R3HDM1: variants seen among roughly 807,000 people sequenced by gnomAD.
The protein encoded by R3HDM1 is R3H domain containing 1, also known as R3H domain-containing protein 1.
Under a neutral mutation model 141.1 loss-of-function variants are expected in R3HDM1, and 46 were observed. The observed-to-expected ratio is 0.33, with a 90% CI of 0.26 to 0.42. The LOEUF (loss-of-function observed/expected upper bound fraction) is 0.42, where lower values mean the gene tolerates loss of function less well. Ranked by LOEUF, R3HDM1 falls within the 10% of genes least tolerant of loss-of-function variation. The probability of loss-of-function intolerance (pLI) is 1.00; values close to 1 mark genes in which losing one functional copy is unlikely to be tolerated. For synonymous variants in R3HDM1, 435 were observed against 472.9 expected (o/e 0.92, Z 1.04); for missense variants, 1,184 against 1,368.3 (o/e 0.87, Z 2.12).
At chr2:135,616,879 C>A in intron 5 of R3HDM1, 122 bp downstream of exon 5, 1 of 828,094 alleles carries the variant, frequency 1.2e-6, no homozygotes, top group Non-Finnish European at 1.9e-6. Context: ...TTCAATAATA[C>A]TTGGCACCCA....
At chr2:135,632,995 T>C (rs537917327) in intron 9 of R3HDM1, among the ~76,000 whole-genome samples, 1 of 152,302 alleles carries the variant, frequency 6.6e-6, no homozygotes, top group South Asian at 2.1e-4. Flanking sequence ...CTATTGGTTT[T>C]CTCCCATTTT....
At chr2:135,665,714 G>T (rs1375010512) in intron 19 of R3HDM1, among the ~76,000 whole-genome samples, 1 of 152,084 alleles carries the variant, frequency 6.6e-6, no homozygotes, top group Non-Finnish European at 1.5e-5. Flanking sequence ...GACAAATTCA[G>T]TTTGGTTTTG....
intron 19 of R3HDM1, among the ~76,000 whole-genome samples, chr2:135,666,173 A>G (rs2067464772): frequency 6.6e-6 from 1 of 152,212 alleles, no homozygotes; most frequent in African/African-American, 2.4e-5. Flanking sequence ...CAATGTGTGC[A>G]TATTGTTGAC....
chr2:135,556,669 C>T (rs1314060866), intron 1 of R3HDM1, among the ~76,000 whole-genome samples: 4 of 152,042 alleles, frequency 2.6e-5, no homozygotes, highest in African/African-American at 9.7e-5. Context: ...CAAGCACCCA[C>T]CACCACACCC....
intron 19 of R3HDM1, among the ~76,000 whole-genome samples, chr2:135,670,089 C>T (rs1228359052): frequency 1.4e-5 from 2 of 146,446 alleles, no homozygotes; most frequent in South Asian, 2.2e-4. Context: ...GAGATTGCAC[C>T]GCTGCACTCC....
intron 19 of R3HDM1, chr2:135,669,096 G>A (rs984053269): frequency 6.2e-6 from 6 of 965,500 alleles, no homozygotes; most frequent in Non-Finnish European, 7.4e-6. Flanking sequence ...AGACTGGAGT[G>A]CAGTGGCCCT....
At chr2:135,578,017 A>T (rs115462400) in intron 1 of R3HDM1, among the ~76,000 whole-genome samples, 26 of 152,242 alleles carry the variant, frequency 1.7e-4, no homozygotes, top group Admixed American at 1.2e-3. Context: ...AAATTGACAT[A>T]TGCACTTATC....
intron 1 of R3HDM1, among the ~76,000 whole-genome samples, chr2:135,593,790 G>A (rs911988983): frequency 3.3e-5 from 5 of 151,944 alleles, no homozygotes; most frequent in African/African-American, 9.7e-5. Context: ...GCACAGTCTC[G>A]GCTCACTGCA....
At chr2:135,721,571 A>G (rs2076699350) in intron 24 of R3HDM1, 1 of 184,484 alleles carries the variant, frequency 5.4e-6, no homozygotes, top group African/African-American at 2.4e-5. Flanking sequence ...AACTCTGGCA[A>G]GTACTTTTTG....
chr2:135,624,070 G>A (rs1371637829), intron 7 of R3HDM1, among the ~76,000 whole-genome samples: 2 of 152,184 alleles, frequency 1.3e-5, no homozygotes, highest in Admixed American at 1.3e-4. Flanking sequence ...TATATTCAAG[G>A]AAAGATAGGC....
At chr2:135,579,750 AATC>A (rs1262216944) in intron 1 of R3HDM1, among the ~76,000 whole-genome samples, 1 of 152,158 alleles carries the variant, frequency 6.6e-6, no homozygotes, top group Admixed American at 6.5e-5. Flanking sequence ...AGTTCAGTCT[AATC>A]ATGAAACTGG....
chr2:135,696,438 T>C (rs1462969946), intron 21 of R3HDM1, among the ~76,000 whole-genome samples: 1 of 152,046 alleles, frequency 6.6e-6, no homozygotes, highest in Non-Finnish European at 1.5e-5. Flanking sequence ...TTATATACTT[T>C]ATGTGTGGTT....
At chr2:135,645,274 A>T in intron 15 of R3HDM1, 105 bp from the exon 16 acceptor site, 1 of 990,260 alleles carries the variant, frequency 1.0e-6, no homozygotes, top group Non-Finnish European at 1.5e-6. Context: ...TTTTTTTTTA[A>T]TTGTGGTTAA....
At chr2:135,546,110 T>A (rs1698645352) in intron 1 of R3HDM1, among the ~76,000 whole-genome samples, 1 of 152,248 alleles carries the variant, frequency 6.6e-6, no homozygotes, top group Non-Finnish European at 1.5e-5. Context: ...TATTCTTTGC[T>A]TGAACTATTC....
chr2:135,601,608 A>G (rs2059623887), intron 1 of R3HDM1, among the ~76,000 whole-genome samples: 1 of 152,236 alleles, frequency 6.6e-6, no homozygotes, highest in African/African-American at 2.4e-5. Context: ...ATATTCATTC[A>G]TACCGAATAA....
intron 21 of R3HDM1, among the ~76,000 whole-genome samples, chr2:135,702,437 G>A (rs1017184692): frequency 1.3e-5 from 2 of 151,972 alleles, no homozygotes; most frequent in Admixed American, 6.6e-5. Context: ...AAGGCTGGCG[G>A]ATCACAAGGT....
At chr2:135,580,512 G>A (rs555129218) in intron 1 of R3HDM1, among the ~76,000 whole-genome samples, 6 of 152,112 alleles carry the variant, frequency 3.9e-5, no homozygotes, top group African/African-American at 1.4e-4. Flanking sequence ...TGATTTCTTT[G>A]CTTGTTCTCT....
intron 1 of R3HDM1, chr2:135,549,804 T>C: frequency 3.8e-6 from 1 of 262,962 alleles, no homozygotes; most frequent in Non-Finnish European, 5.9e-6. Context: ...GTTTTGAAAC[T>C]AGAGATAGCT....
chr2:135,600,185 A>T (rs1482660016), intron 1 of R3HDM1, among the ~76,000 whole-genome samples: 1 of 124,782 alleles, frequency 8.0e-6, no homozygotes, highest in African/African-American at 3.2e-5. Context: ...GGTCTCAGTG[A>T]TCCTTCTGCC....
Sources: gnomAD v4.1 joint callset for allele counts (sites outside exome capture counted in the v4.1 genomes callset) on GRCh38, gnomAD v4.1.1 for gene constraint, MANE v1.5 for transcripts, NCBI Gene and HGNC (gene_info 2026-07-23, HGNC 2026-07-21) for gene names.